Variants in SCFD2 observed in about 807,000 individuals in gnomAD.
SCFD2 encodes sec1 family domain-containing protein 2.
In SCFD2, 54 loss-of-function variants were observed where a neutral mutation model predicts 58.9. That is an observed-to-expected ratio of 0.92 (90% CI 0.74 to 1.15). SCFD2 has a LOEUF of 1.15. Among genes scored for constraint, SCFD2 ranks in the 50% most tolerant of loss-of-function variants. The probability of loss-of-function intolerance (pLI) is 0.00; values close to 1 mark genes in which losing one functional copy is unlikely to be tolerated. For synonymous variants in SCFD2, 321 were observed against 335.9 expected (o/e 0.96, Z 0.49); for missense variants, 805 against 836.6 (o/e 0.96, Z 0.47).
intron 2 of SCFD2, among the ~76,000 whole-genome samples, chr4:53,335,226 A>C (rs565212285): frequency 1.1e-4 from 17 of 151,622 alleles, no homozygotes; most frequent in South Asian, 8.3e-4. Context: ...ACAAAAAAAA[A>C]AACAACAACA....
At chr4:53,203,682 G>A (rs1577837106) in intron 4 of SCFD2, among the ~76,000 whole-genome samples, 1 of 152,048 alleles carries the variant, frequency 6.6e-6, no homozygotes, top group Admixed American at 6.6e-5. Flanking sequence ...AATCCCAACT[G>A]GTGGAAGAGG....
intron 5 of SCFD2, among the ~76,000 whole-genome samples, chr4:53,044,103 G>A (rs1560311626): frequency 6.6e-6 from 1 of 152,070 alleles, no homozygotes; most frequent in Non-Finnish European, 1.5e-5. Flanking sequence ...CAGTCCTCCT[G>A]GTCAGTACCA....
At chr4:53,359,364 G>T (rs1352496109) in intron 1 of SCFD2, among the ~76,000 whole-genome samples, 3 of 152,104 alleles carry the variant, frequency 2.0e-5, no homozygotes, top group Non-Finnish European at 4.4e-5. Context: ...ACTGAAAAAT[G>T]TATTTCCTTT....
chr4:53,204,411 C>T (rs1031316864), intron 4 of SCFD2, among the ~76,000 whole-genome samples: 1 of 150,694 alleles, frequency 6.6e-6, no homozygotes, highest in Non-Finnish European at 1.5e-5. Flanking sequence ...ATTTAGAATA[C>T]AGACATGTAC....
chr4:53,222,077 C>T (rs376753996), intron 4 of SCFD2, among the ~76,000 whole-genome samples: 75 of 152,342 alleles, frequency 4.9e-4, no homozygotes, highest in African/African-American at 1.7e-3. Flanking sequence ...CTTTTCACAA[C>T]ATCGGCTAAC....
rs1206807118 is a variant in SCFD2, at chr4:53,251,983, C to A, written c.1311+21843G>T. Among the ~76,000 whole-genome samples the A allele has an allele frequency of 2.0e-5, 3 of 152,254 alleles. No homozygotes were observed. In the East Asian group the frequency reaches 5.8e-4, roughly 29 times the overall value. ...ACGACATGAATGTATATCTAGAAAA[C>A]CCCATCATCTCAGCCCAAAATCTCC... On this transcript the variant is annotated intron_variant, in intron 4 of 8. Coordinates refer to ENST00000401642, the MANE Select transcript of SCFD2 (RefSeq NM_152540.4).
At chr4:53,164,413 C>A (rs144943691) in intron 4 of SCFD2, among the ~76,000 whole-genome samples, 1 of 152,132 alleles carries the variant, frequency 6.6e-6, no homozygotes, top group Non-Finnish European at 1.5e-5. Flanking sequence ...AGTAGCTCTA[C>A]GTGCCTAGGT....
chr4:53,033,232 G>A (rs965605127), intron 5 of SCFD2, among the ~76,000 whole-genome samples: 6 of 152,030 alleles, frequency 3.9e-5, no homozygotes, highest in Admixed American at 6.6e-5. Flanking sequence ...GGTAAATAAC[G>A]AAATGAAGGC....
chr4:52,901,828 G>A (rs1434950256), intron 7 of SCFD2, among the ~76,000 whole-genome samples: 2 of 152,190 alleles, frequency 1.3e-5, no homozygotes, highest in Admixed American at 1.3e-4. Flanking sequence ...TGATGCAAAT[G>A]AAATTCTGAC....
intron 5 of SCFD2, among the ~76,000 whole-genome samples, chr4:53,049,701 T>C (rs982264976): frequency 1.3e-5 from 2 of 152,148 alleles, no homozygotes; most frequent in African/African-American, 2.4e-5. Flanking sequence ...GAATCATGAA[T>C]CTTGCCTGGT....
At chr4:53,003,624 A>C (rs771342419) in intron 5 of SCFD2, among the ~76,000 whole-genome samples, 4 of 152,250 alleles carry the variant, frequency 2.6e-5, no homozygotes, top group Non-Finnish European at 5.9e-5. Flanking sequence ...TAAGGACAAC[A>C]ATAAAGTTGT....
At position 52,975,792 on chromosome 4, in the gene SCFD2, G is replaced by A. The variant is rs868659623; in HGVS notation, c.1562-54922C>T. ...CCAACTCAAATGTCCAACAATGATA[G>A]ACTGTATTAAGAAAATGTGGCACAT... On this transcript the variant is annotated intron_variant, in intron 5 of 8. Transcript: ENST00000401642. 2.7e-4 allele frequency among the ~76,000 whole-genome samples: 41 copies of A among 152,106 alleles called. 1 individual carries two copies. Among genetic ancestry groups the A allele is most frequent in the African/African-American group, 9.2e-4 (38 of 41,406 alleles).
intron 4 of SCFD2, among the ~76,000 whole-genome samples, chr4:53,146,952 A>C (rs1042373139): frequency 1.3e-5 from 2 of 152,232 alleles, no homozygotes; most frequent in Non-Finnish European, 2.9e-5. Flanking sequence ...TGTGTCTTGG[A>C]AAATATCCCA....
At chr4:53,238,620 C>G (rs551685830) in intron 4 of SCFD2, among the ~76,000 whole-genome samples, 13 of 151,020 alleles carry the variant, frequency 8.6e-5, no homozygotes, top group African/African-American at 2.9e-4. Context: ...GGCTGCCAGG[C>G]GGAGGAGCTC....
intron 6 of SCFD2, among the ~76,000 whole-genome samples, chr4:52,919,767 A>G (rs1719692260): frequency 6.6e-6 from 1 of 152,222 alleles, no homozygotes; most frequent in African/African-American, 2.4e-5. Context: ...ATCAGCTCCC[A>G]AACAAATACA....
At chr4:53,349,034 TATG>T (rs1734139891) in intron 2 of SCFD2, among the ~76,000 whole-genome samples, 1 of 152,138 alleles carries the variant, frequency 6.6e-6, no homozygotes, top group Admixed American at 6.5e-5. Context: ...GCTCATAATC[TATG>T]ATAACACTCA....
At chr4:52,941,433 A>C (rs1250813098) in intron 5 of SCFD2, among the ~76,000 whole-genome samples, 1 of 152,210 alleles carries the variant, frequency 6.6e-6, no homozygotes, top group Non-Finnish European at 1.5e-5. Context: ...TATATAACAG[A>C]GGCTGGAAAA....
intron 4 of SCFD2, among the ~76,000 whole-genome samples, chr4:53,145,906 T>C (rs1726316420): frequency 6.6e-6 from 1 of 152,018 alleles, no homozygotes; most frequent in Non-Finnish European, 1.5e-5. Context: ...TAAAGAAAAA[T>C]AGTATATTTG....
chr4:53,119,408 G>C (rs1430278597), intron 5 of SCFD2, among the ~76,000 whole-genome samples: 2 of 152,056 alleles, frequency 1.3e-5, no homozygotes, highest in Admixed American at 1.3e-4. Context: ...TTGAACCCAG[G>C]AGGCAGTGGC....
Sources: allele counts gnomAD v4.1 joint callset (sites outside exome capture counted in the v4.1 genomes callset), GRCh38; gene constraint gnomAD v4.1.1; transcripts MANE v1.5; gene names NCBI Gene and HGNC (gene_info 2026-07-23, HGNC 2026-07-21).